MAGI2: variants seen among roughly 807,000 people sequenced by gnomAD.
The protein encoded by MAGI2 is membrane-associated guanylate kinase, WW and PDZ domain-containing protein 2.
In MAGI2, 35 loss-of-function variants were observed where a neutral mutation model predicts 133.3. That is an observed-to-expected ratio of 0.26 (90% CI 0.20 to 0.35). MAGI2 has a LOEUF of 0.35. Among genes scored for constraint, MAGI2 ranks in the 10% least tolerant of loss-of-function variants. The pLI, the probability that MAGI2 is intolerant of heterozygous loss-of-function variation, is 1.00. For missense variants in MAGI2, 1,636 were observed against 1,863.4 expected, an observed-to-expected ratio of 0.88 and a Z score of 2.25; for synonymous variants, 729 against 710.6, an observed-to-expected ratio of 1.03 and a Z score of -0.41.
intron 1 of MAGI2, chr7:79,410,567 T>G (rs897658462): frequency 3.3e-5 from 5 of 152,086 alleles, no homozygotes; most frequent in African/African-American, 1.2e-4. Flanking sequence ...TGCTCAACAG[T>G]TGGCATGACT....
intron 2 of MAGI2, among the ~76,000 whole-genome samples, chr7:78,860,904 T>TC (rs1383916126): frequency 6.6e-6 from 1 of 152,118 alleles, no homozygotes; most frequent in Non-Finnish European, 1.5e-5. Flanking sequence ...TGTTGGAGCT[T>TC]CCAGGCAGCT....
chr7:78,333,385 G>A (rs1408182432), intron 9 of MAGI2, among the ~76,000 whole-genome samples: 1 of 152,204 alleles, frequency 6.6e-6, no homozygotes, highest in Non-Finnish European at 1.5e-5. Flanking sequence ...GAAGCATACT[G>A]CAGCAGATAA....
At chr7:78,652,360 T>C (rs1451347045) in intron 2 of MAGI2, among the ~76,000 whole-genome samples, 1 of 152,148 alleles carries the variant, frequency 6.6e-6, no homozygotes, top group Non-Finnish European at 1.5e-5. Flanking sequence ...CAAGGGTCGC[T>C]ACCTGACTTC....
chr7:78,203,022 A>G (rs1829409921), intron 10 of MAGI2, among the ~76,000 whole-genome samples: 1 of 152,250 alleles, frequency 6.6e-6, no homozygotes, highest in Non-Finnish European at 1.5e-5. Flanking sequence ...AAAGTGAAAC[A>G]GATTTTAACC....
chr7:78,105,674 G>A (rs1189514170), intron 20 of MAGI2, among the ~76,000 whole-genome samples: 1 of 151,488 alleles, frequency 6.6e-6, no homozygotes, highest in Non-Finnish European at 1.5e-5. Context: ...TTGCCTCTTC[G>A]CCACTTTTCT....
chr7:79,090,691 A>T (rs2129542516), intron 1 of MAGI2, among the ~76,000 whole-genome samples: 1 of 152,338 alleles, frequency 6.6e-6, no homozygotes, highest in East Asian at 1.9e-4. Flanking sequence ...AGGAAATTAC[A>T]GCTGATAGAT....
intron 21 of MAGI2, among the ~76,000 whole-genome samples, chr7:78,062,401 T>C (rs1813379303): frequency 6.6e-6 from 1 of 152,236 alleles, no homozygotes; most frequent in South Asian, 2.1e-4. Context: ...TCTTGAGTGC[T>C]ATGTGCCTGG....
chr7:78,655,404 AAAAAC>A (rs756481844), intron 2 of MAGI2, among the ~76,000 whole-genome samples: 19 of 149,918 alleles, frequency 1.3e-4, no homozygotes, highest in East Asian at 2.0e-4. Context: ...GGCTTATACA[AAAAAC>A]AAAACAAAAC....
At chr7:78,396,178 A>G (rs1351482246) in intron 6 of MAGI2, among the ~76,000 whole-genome samples, 1 of 152,178 alleles carries the variant, frequency 6.6e-6, no homozygotes, top group East Asian at 1.9e-4. Context: ...AGTATAAAAT[A>G]TAATCTTCAT....
chr7:78,153,431 C>A (rs1824084637), intron 16 of MAGI2, among the ~76,000 whole-genome samples: 1 of 152,168 alleles, frequency 6.6e-6, no homozygotes, highest in Admixed American at 6.5e-5. Context: ...CCATCAGCCT[C>A]ATTCGTTTTA....
chr7:79,307,523 T>C (rs1203472742), intron 1 of MAGI2, among the ~76,000 whole-genome samples: 2 of 152,216 alleles, frequency 1.3e-5, no homozygotes, highest in Non-Finnish European at 2.9e-5. Flanking sequence ...CCTACCTGCA[T>C]CATCTATGGG....
chr7:78,855,796 T>C (rs902510147), intron 2 of MAGI2, among the ~76,000 whole-genome samples: 1 of 152,154 alleles, frequency 6.6e-6, no homozygotes, highest in Non-Finnish European at 1.5e-5. Context: ...GGTCAAATGG[T>C]ATTTCTAGTT....
chr7:78,790,020 T>C (rs1827129084), intron 2 of MAGI2, among the ~76,000 whole-genome samples: 1 of 152,108 alleles, frequency 6.6e-6, no homozygotes, highest in Admixed American at 6.5e-5. Flanking sequence ...GATAAAGCAA[T>C]AGAGTGATCA....
intron 4 of MAGI2, 74 bp downstream of exon 4, chr7:78,521,356 T>G (rs1796486165): frequency 1.9e-6 from 2 of 1,029,400 alleles, no homozygotes; most frequent in Non-Finnish European, 3.1e-6. Context: ...TATCTTACTG[T>G]GTATATGTGT....
At chr7:78,962,894 T>C (rs112876265) in intron 2 of MAGI2, among the ~76,000 whole-genome samples, 1,874 of 152,110 alleles carry the variant, frequency 0.012, 18 homozygotes, top group Non-Finnish European at 0.017. Context: ...TGAGTTTAAC[T>C]GGAAAGAAAA....
At chr7:78,613,846 T>C (rs1584847303) in intron 3 of MAGI2, among the ~76,000 whole-genome samples, 1 of 152,136 alleles carries the variant, frequency 6.6e-6, no homozygotes, top group Admixed American at 6.5e-5. Context: ...CAGTGGCTCA[T>C]GCCTGTAATC....
chr7:78,854,785 G>T (rs1311781514), intron 2 of MAGI2, among the ~76,000 whole-genome samples: 1 of 151,710 alleles, frequency 6.6e-6, no homozygotes, highest in Non-Finnish European at 1.5e-5. Context: ...TTACAGATTG[G>T]TATTTATTTC....
At chr7:78,523,681 C>G (rs115011841) in intron 3 of MAGI2, among the ~76,000 whole-genome samples, 2,766 of 151,986 alleles carry the variant, frequency 0.018, 83 homozygotes, top group African/African-American at 0.064. Flanking sequence ...GAGGAACTAC[C>G]AAATACTTAT....
At chr7:79,434,160 T>A (rs574537301) in intron 1 of MAGI2, among the ~76,000 whole-genome samples, 3 of 151,418 alleles carry the variant, frequency 2.0e-5, no homozygotes, top group African/African-American at 7.3e-5. Context: ...ATAAAGAAAA[T>A]CTCTTATTTT....
Sources: allele counts gnomAD v4.1 joint callset (sites outside exome capture counted in the v4.1 genomes callset), GRCh38; gene constraint gnomAD v4.1.1; transcripts MANE v1.5; gene names NCBI Gene and HGNC (gene_info 2026-07-23, HGNC 2026-07-21).